FBXO28: variants seen among roughly 807,000 people sequenced by gnomAD.
The protein encoded by FBXO28 is F-box only protein 28.
In FBXO28, 8 loss-of-function variants were observed where a neutral mutation model predicts 38.1. The observed-to-expected ratio is 0.21, with a 90% confidence interval of 0.12 to 0.38. FBXO28 has a LOEUF of 0.38. Among genes scored for constraint, FBXO28 ranks in the 10% least tolerant of loss-of-function variants. The pLI, the probability that FBXO28 is intolerant of heterozygous loss-of-function variation, is 1.00. For missense variants in FBXO28, 345 were observed against 460.6 expected, an observed-to-expected ratio of 0.75 and a Z score of 2.30; for synonymous variants, 168 against 173.8, an observed-to-expected ratio of 0.97 and a Z score of 0.26.
At chr1:224,119,135 CTTT>C (rs67458349) in intron 1 of FBXO28, among the ~76,000 whole-genome samples, 7 of 109,922 alleles carry the variant, frequency 6.4e-5, no homozygotes, top group African/African-American at 6.9e-5. Flanking sequence ...TCTTTTTTTT[CTTT>C]TTTTTTTTTT....
chr1:224,157,532 A>C lies in FBXO28; in HGVS notation c.893A>C (p.Asp298Ala). 1 of 1,614,254 alleles carries C rather than the reference A, an allele frequency of 6.2e-7. No individual in the cohort carries two copies. Among genetic ancestry groups the C allele is most frequent in the Non-Finnish European group, 8.5e-7 (1 of 1,180,054 alleles). The change falls in exon 5 of 5, where the codon GAC (aspartate) becomes GCC (alanine). Residue 298 changes from aspartate to alanine, a missense_variant. This residue lies in a region of FBXO28 where 151 missense variants were observed against 188.3 expected (regional missense o/e 0.80). Transcript: ENST00000366862. Reference sequence around the variant, plus strand: ...CAAGAACAGCAAAAACAGCTTCAAGACCAGGACCAGAAACTGCTAGAGCAG... The same window carrying C: ...CAAGAACAGCAAAAACAGCTTCAAGCCCAGGACCAGAAACTGCTAGAGCAG... ...KVQEQQKQLQ[D>A]QDQKLLEQTQ... is the part of the protein sequence containing the mutation.
rs1486969878 is a variant in FBXO28 at position 224,161,030 on chromosome 1, A to G, written c.*3284A>G. On this transcript the variant is annotated 3_prime_UTR_variant, in exon 5 of 5. Coordinates refer to ENST00000366862, the MANE Select transcript of FBXO28 (RefSeq NM_015176.4). Reference sequence around the variant, plus strand: ...TTTTATATGCCATTTCATAGCCTGCACTTTAATCTCCAAAGAAACGATGTA... The same window carrying G: ...TTTTATATGCCATTTCATAGCCTGCGCTTTAATCTCCAAAGAAACGATGTA... 4 of 152,150 alleles carry G rather than the reference A, an allele frequency of 2.6e-5. No homozygotes were observed. The highest frequency in any genetic ancestry group is 4.4e-5 in the Non-Finnish European group (3 of 68,022). The allele number at this position is 152,150 out of a possible 1,614,324, so 9.4% of individuals were successfully genotyped here.
rs1361232138 is a variant in FBXO28 at position 224,158,573 on chromosome 1, CATTTGTCCTCCAGTTTTATAGGAACAAG to C, written c.*829_*856del. 6.6e-6 allele frequency: 1 copy of C among 152,516 alleles called. No individual in the cohort carries two copies. The highest frequency in any genetic ancestry group is 1.5e-5 in the Non-Finnish European group (1 of 68,050). The allele number at this position is 152,516 out of a possible 1,614,324, so 9.4% of individuals were successfully genotyped here. ...GCCTCTAGAGGGGGAATTGTTCATC[CATTTGTCCTCCAGTTTTATAGGAACAAG>C]AGACTATTAAAGCCCATTGCTTTAT... is the stretch of plus-strand genomic sequence containing the variant. On this transcript the variant is annotated 3_prime_UTR_variant, in exon 5 of 5. Coordinates refer to ENST00000366862, the MANE Select transcript of FBXO28 (RefSeq NM_015176.4).
chr1:224,130,430 AT>A, intron 1 of FBXO28, 41 bp from the exon 2 acceptor site: 1 of 1,302,588 alleles, frequency 7.7e-7, no homozygotes, highest in Non-Finnish European at 1.1e-6. Context: ...GTTGTCTCTT[AT>A]TAATTTGGTT....
intron 3 of FBXO28, among the ~76,000 whole-genome samples, chr1:224,137,891 A>G (rs1433356506): frequency 1.3e-5 from 2 of 151,854 alleles, no homozygotes; most frequent in African/African-American, 4.9e-5. Flanking sequence ...TATTCACTAG[A>G]GGGGTTAAAA....
rs900842847 is a variant in FBXO28, at chr1:224,161,592, A to G, written c.*3846A>G. 5 of 152,224 alleles carry G rather than the reference A, an allele frequency of 3.3e-5. No individual in the cohort carries two copies. The highest frequency in any genetic ancestry group is 2.1e-4 in the South Asian group (1 of 4,836). 9.4% of individuals were successfully genotyped at this position (152,224 alleles called of 1,614,324 possible). On this transcript the variant is annotated 3_prime_UTR_variant, in exon 5 of 5. Transcript: ENST00000366862. ...ATTATTTTCAAAAAATACTAAATCT[A>G]TGAACTGAGACTAGCAATTAGTTGG...
At chr1:224,145,558 CAT>C (rs1657481122) in intron 3 of FBXO28, among the ~76,000 whole-genome samples, 1 of 152,140 alleles carries the variant, frequency 6.6e-6, no homozygotes, top group Non-Finnish European at 1.5e-5. Flanking sequence ...GGATGACCCT[CAT>C]ATATGGTTTG....
At chr1:224,150,930 G>C (rs1198313737) in intron 3 of FBXO28, among the ~76,000 whole-genome samples, 1 of 152,088 alleles carries the variant, frequency 6.6e-6, no homozygotes, top group Non-Finnish European at 1.5e-5. Context: ...ACTTTGAAAA[G>C]TGACAAGTAC....
At chr1:224,139,018 T>A (rs545797115) in intron 3 of FBXO28, among the ~76,000 whole-genome samples, 1 of 151,540 alleles carries the variant, frequency 6.6e-6, no homozygotes, top group Non-Finnish European at 1.5e-5. Flanking sequence ...CTCCTGACCT[T>A]GTGATGCGCC....
chr1:224,153,388 G>T, intron 4 of FBXO28, 51 bp downstream of exon 4: 3 of 1,404,950 alleles, frequency 2.1e-6, no homozygotes, highest in Non-Finnish European at 2.9e-6. Flanking sequence ...ACTTGCTTCC[G>T]GTTTTTTTCC....
Position 224,157,391 on chromosome 1 carries a change from T to A in FBXO28, c.752T>A (p.Phe251Tyr), listed in dbSNP as rs1657797635. ...PSAALTTMQL[F>Y]SKQNPSRQEV... Reference sequence around the variant, plus strand: ...GCAGCCCTAACAACAATGCAGCTCTTCTCCAAGCAAAATCCTTCAAGACAA... The same window carrying A: ...GCAGCCCTAACAACAATGCAGCTCTACTCCAAGCAAAATCCTTCAAGACAA... Residue 251 changes from phenylalanine to tyrosine, a missense_variant, in exon 5 of 5, where the codon TTC (phenylalanine) becomes TAC (tyrosine). This residue lies in a region of FBXO28 where 151 missense variants were observed against 188.3 expected (regional missense o/e 0.80). Coordinates refer to ENST00000366862, the MANE Select transcript of FBXO28 (RefSeq NM_015176.4). 1 of 1,613,992 alleles carries A rather than the reference T, an allele frequency of 6.2e-7. No homozygotes were observed. The highest frequency in any genetic ancestry group is 2.2e-5 in the East Asian group (1 of 44,878).
chr1:224,136,509 G>A (rs938513892), intron 3 of FBXO28, among the ~76,000 whole-genome samples: 16 of 151,670 alleles, frequency 1.1e-4, no homozygotes, highest in African/African-American at 3.9e-4. Context: ...GGATCACAAG[G>A]TCAGGAGGTC....
chr1:224,127,299 T>A (rs2131307), intron 1 of FBXO28, among the ~76,000 whole-genome samples: 150,029 of 152,040 alleles, frequency 0.99, 74,052 homozygotes, highest in Middle Eastern at 1. Context: ...CATCACACTG[T>A]TAGCTAATGA....
At chr1:224,151,370 C>T (rs553308050) in intron 3 of FBXO28, among the ~76,000 whole-genome samples, 1 of 152,280 alleles carries the variant, frequency 6.6e-6, no homozygotes, top group Admixed American at 6.5e-5. Context: ...CCTATGATGT[C>T]TTCTCAGGCT....
chr1:224,134,718 T>C (rs1437205546), intron 3 of FBXO28, among the ~76,000 whole-genome samples: 1 of 152,206 alleles, frequency 6.6e-6, no homozygotes, highest in Admixed American at 6.6e-5. Flanking sequence ...GAAATAACTA[T>C]ATTGTGGCAT....
In FBXO28 at chr1:224,159,690, TTTTCCGGTCATAGGAAGAC is replaced by T. The variant is rs1461591984; in HGVS notation, c.*1948_*1966del. 5 of 152,272 alleles carry T rather than the reference TTTTCCGGTCATAGGAAGAC, an allele frequency of 3.3e-5. No individual in the cohort carries two copies. The highest frequency in any genetic ancestry group is 1.2e-4 in the African/African-American group (5 of 41,562). 9.4% of individuals were successfully genotyped at this position (152,272 alleles called of 1,614,324 possible). ...ATACCCGGGGCCTCTACTAGTCTGC[TTTTCCGGTCATAGGAAGAC>T]TTTTTTTTTTACGTATCAAAGCATG... On this transcript the variant is annotated 3_prime_UTR_variant, in exon 5 of 5. Transcript: ENST00000366862.
chr1:224,157,246 T>C, intron 4 of FBXO28, 106 bp from the exon 5 acceptor site: 1 of 1,349,622 alleles, frequency 7.4e-7, no homozygotes, highest in East Asian at 2.4e-5. Context: ...GAAGAAGAAA[T>C]TATCAGAAGT....
intron 1 of FBXO28, among the ~76,000 whole-genome samples, chr1:224,123,675 G>A (rs561406396): frequency 6.0e-4 from 91 of 151,838 alleles, no homozygotes; most frequent in Non-Finnish European, 1.0e-3. Flanking sequence ...CATATTTCAA[G>A]GCATCTAAGA....
chr1:224,144,153 CA>C (rs34850766), intron 3 of FBXO28, among the ~76,000 whole-genome samples: 29 of 136,936 alleles, frequency 2.1e-4, no homozygotes, highest in Non-Finnish European at 2.6e-4. Flanking sequence ...AACTATGTCT[CA>C]AAAAAAAAAA....
Sources: gnomAD v4.1 joint callset for allele counts (sites outside exome capture counted in the v4.1 genomes callset) on GRCh38, gnomAD v4.1.1 for gene constraint, gnomAD v4.1.1 regional missense constraint, MANE v1.5 for transcripts, NCBI Gene and HGNC (gene_info 2026-07-23, HGNC 2026-07-21) for gene names.